Variants in DNAH3 observed in about 807,000 individuals in gnomAD.
DNAH3 encodes the protein dynein axonemal heavy chain 3.
In DNAH3, 332 loss-of-function variants were observed where a neutral mutation model predicts 432.5. The ratio of observed to expected loss-of-function variants is 0.77; its 90% CI spans 0.70 to 0.84. DNAH3 has a LOEUF of 0.84. DNAH3 is among the 40% of genes least tolerant of loss of function. The probability of loss-of-function intolerance (pLI) is 0.00; values close to 1 mark genes in which losing one functional copy is unlikely to be tolerated. For synonymous variants in DNAH3, 1,956 were observed against 1,900.2 expected (o/e 1.03, Z -0.76); for missense variants, 4,861 against 5,114.0 (o/e 0.95, Z 1.51).
intron 1 of DNAH3, among the ~76,000 whole-genome samples, chr16:21,146,479 C>T (rs941400941): frequency 6.6e-6 from 1 of 152,156 alleles, no homozygotes; most frequent in South Asian, 2.1e-4. Context: ...TTGCTTGAAC[C>T]TGGGACGCGG....
intron 53 of DNAH3, among the ~76,000 whole-genome samples, chr16:20,959,655 AC>A (rs1555509963): frequency 7.2e-6 from 1 of 138,284 alleles, no homozygotes; most frequent in East Asian, 2.3e-4. Context: ...ACACACACAC[AC>A]CCCAACACAA....
At chr16:20,975,378 G>C in exon 51 of DNAH3, 2 of 1,614,172 alleles carry the variant, frequency 1.2e-6, no homozygotes, top group Non-Finnish European at 1.7e-6. Context: ...GATGAGTTGA[G>C]GTTGAAGAGC....
intron 44 of DNAH3, among the ~76,000 whole-genome samples, chr16:20,993,454 A>C (rs751115696): frequency 1.3e-5 from 2 of 152,184 alleles, no homozygotes; most frequent in South Asian, 2.1e-4. Context: ...TTAAAAAAAT[A>C]ATAGTCTCTG....
chr16:21,146,143 C>A, intron 1 of DNAH3, 55 bp from the exon 3 acceptor site: 1 of 1,318,990 alleles, frequency 7.6e-7, no homozygotes, highest in Non-Finnish European at 1.1e-6. Flanking sequence ...ATTTGCAAGC[C>A]TCTGAGTTGG....
At chr16:21,106,371 C>T (rs1211993573) in intron 15 of DNAH3, 119 bp downstream of exon 15, 13 of 861,550 alleles carry the variant, frequency 1.5e-5, no homozygotes, top group Non-Finnish European at 1.9e-5. Context: ...TATCCTTTTG[C>T]TCAACACTTT....
chr16:20,974,940 T>C (rs932363844), intron 51 of DNAH3, among the ~76,000 whole-genome samples: 1 of 151,228 alleles, frequency 6.6e-6, no homozygotes, highest in East Asian at 1.9e-4. Context: ...TGCCTCAGCT[T>C]CCTGAGTAGC....
At chr16:20,938,334 G>A (rs750639970) in intron 59 of DNAH3, among the ~76,000 whole-genome samples, 30 of 151,490 alleles carry the variant, frequency 2.0e-4, no homozygotes, top group African/African-American at 7.0e-4. Flanking sequence ...GCAGTGAGCC[G>A]AGCTAAGATC....
intron 7 of DNAH3, among the ~76,000 whole-genome samples, chr16:21,128,680 C>T (rs950994517): frequency 3.2e-5 from 4 of 123,702 alleles, no homozygotes; most frequent in Admixed American, 9.1e-5. Context: ...GGGGACAGAG[C>T]GAGACTCGTC....
intron 52 of DNAH3, 70 bp from the exon 53 acceptor site, chr16:20,965,495 T>TAACC: frequency 2.3e-6 from 3 of 1,284,878 alleles, no homozygotes; most frequent in Non-Finnish European, 3.1e-6. Context: ...CTGCAGTGGT[T>TAACC]ACTGCTGGTA....
At chr16:20,966,908 G>C (rs950450) in intron 52 of DNAH3, among the ~76,000 whole-genome samples, 16,848 of 152,124 alleles carry the variant, frequency 0.11, 1,120 homozygotes, top group East Asian at 0.17. Flanking sequence ...AAGCCAGGCC[G>C]TTATTCCCCT....
chr16:20,976,661 A>G (rs1244333563), intron 50 of DNAH3, among the ~76,000 whole-genome samples: 1 of 152,138 alleles, frequency 6.6e-6, no homozygotes, highest in Non-Finnish European at 1.5e-5. Flanking sequence ...GATGGCAATT[A>G]TAGGCGAGGT....
intron 35 of DNAH3, among the ~76,000 whole-genome samples, chr16:21,035,440 G>A (rs1379280085): frequency 6.6e-6 from 1 of 152,110 alleles, no homozygotes; most frequent in African/African-American, 2.4e-5. Context: ...CCTTGTTTTT[G>A]AAAATATTAC....
At chr16:21,126,040 G>T (rs533539160) in intron 8 of DNAH3, among the ~76,000 whole-genome samples, 4 of 152,306 alleles carry the variant, frequency 2.6e-5, no homozygotes, top group African/African-American at 9.6e-5. Context: ...ACACACACCT[G>T]TAGTCCCAGC....
chr16:21,106,517 A>G (rs762915608), exon 15 of DNAH3: 1 of 1,610,926 alleles, frequency 6.2e-7, no homozygotes, highest in South Asian at 1.1e-5. Context: ...TCCATCAGGA[A>G]CTCCAGCCGT....
At chr16:20,984,927 C>G in intron 48 of DNAH3, 122 bp downstream of exon 48, 1 of 867,690 alleles carries the variant, frequency 1.2e-6, no homozygotes, top group South Asian at 1.9e-5. Flanking sequence ...GCCCTGACCC[C>G]GAGCTGGTGC....
chr16:21,062,733 T>G, intron 24 of DNAH3, 50 bp from the exon 25 acceptor site: 1 of 1,504,180 alleles, frequency 6.6e-7, no homozygotes, highest in Non-Finnish European at 9.1e-7. Flanking sequence ...CCAAGAACTT[T>G]TTCTAGCAAG....
At chr16:21,126,437 GTAT>G (rs1484039275) in intron 8 of DNAH3, among the ~76,000 whole-genome samples, 1 of 152,116 alleles carries the variant, frequency 6.6e-6, no homozygotes, top group African/African-American at 2.4e-5. Context: ...CCATCTGCAG[GTAT>G]TATTATCACT....
At chr16:21,064,988 C>A (rs2090494365) in intron 24 of DNAH3, among the ~76,000 whole-genome samples, 1 of 151,550 alleles carries the variant, frequency 6.6e-6, no homozygotes, top group Non-Finnish European at 1.5e-5. Flanking sequence ...CTAGCTTGAT[C>A]ATTTTACCAG....
At chr16:21,002,948 G>C (rs1244097964) in intron 42 of DNAH3, among the ~76,000 whole-genome samples, 156 bp downstream of exon 42, 1 of 152,082 alleles carries the variant, frequency 6.6e-6, no homozygotes, top group African/African-American at 2.4e-5. Flanking sequence ...TGATTCTAAA[G>C]CCCATGTTTT....
Sources: gnomAD v4.1 joint callset for allele counts (sites outside exome capture counted in the v4.1 genomes callset) on GRCh38, gnomAD v4.1.1 for gene constraint, MANE v1.5 for transcripts, NCBI Gene and HGNC (gene_info 2026-07-23, HGNC 2026-07-21) for gene names.